Variants in NNMT observed in about 807,000 individuals in gnomAD.
The protein encoded by NNMT is nicotinamide N-methyltransferase.
NNMT carries 10 observed loss-of-function variants against 11.7 expected under a neutral mutation model. The observed-to-expected ratio is 0.85, with a 90% CI of 0.53 to 1.45. NNMT has a LOEUF of 1.45. Ranked by LOEUF, NNMT falls within the 40% of genes most tolerant of loss-of-function variation. The pLI is 0.00. For missense variants in NNMT, 381 were observed against 319.4 expected, an observed-to-expected ratio of 1.19 and a Z score of -1.47; for synonymous variants, 143 against 133.8, an observed-to-expected ratio of 1.07 and a Z score of -0.48.
At chr11:114,295,783 G>C (rs1945370856), upstream of NNMT, 1 of 152,160 alleles carries the variant, frequency 6.6e-6, no homozygotes, top group Admixed American at 6.5e-5. Context: ...TCAGGATTTG[G>C]ATTGACTGAA....
chr11:114,297,877 G>C, intron 1 of NNMT, 74 bp from the exon 2 acceptor site: 1 of 1,239,416 alleles, frequency 8.1e-7, no homozygotes, highest in Non-Finnish European at 1.2e-6. Flanking sequence ...TCCCAGGGAA[G>C]ACAATGTAAA....
intron 1 of NNMT, among the ~76,000 whole-genome samples, chr11:114,258,257 C>G (rs1332954421): frequency 6.6e-6 from 1 of 152,332 alleles, no homozygotes; most frequent in South Asian, 2.1e-4. Flanking sequence ...AGCGGGAGCT[C>G]CCCGCATGCC....
upstream of NNMT, chr11:114,296,322 G>A (rs1029068769): frequency 9.0e-5 from 43 of 476,784 alleles, no homozygotes; most frequent in Admixed American, 4.6e-4. Flanking sequence ...CTCCACCCCC[G>A]TTCGCCTAAG....
upstream of NNMT, among the ~76,000 whole-genome samples, chr11:114,291,943 T>C (rs1945338393): frequency 6.6e-6 from 1 of 152,204 alleles, no homozygotes; most frequent in South Asian, 2.1e-4. Context: ...TTATCATCAG[T>C]TCTGGAAAAT....
At chr11:114,270,186 T>C (rs1945159166) in intron 2 of NNMT, 1 of 152,260 alleles carries the variant, frequency 6.6e-6, no homozygotes, top group East Asian at 1.9e-4. Flanking sequence ...AATCAGTTTT[T>C]GTGAATATTC....
chr11:114,300,531 A>C (rs1945428482), intron 2 of NNMT, among the ~76,000 whole-genome samples: 1 of 152,212 alleles, frequency 6.6e-6, no homozygotes, highest in Non-Finnish European at 1.5e-5. Context: ...ATATCAATTA[A>C]GTCAGGCAGG....
chr11:114,285,149 C>T (rs1219965804), intron 2 of NNMT, among the ~76,000 whole-genome samples: 1 of 152,110 alleles, frequency 6.6e-6, no homozygotes, highest in African/African-American at 2.4e-5. Flanking sequence ...CCTTGGCATC[C>T]TTCTCAAAGC....
At chr11:114,271,526 G>C (rs1427056140) in intron 2 of NNMT, among the ~76,000 whole-genome samples, 7 of 152,322 alleles carry the variant, frequency 4.6e-5, no homozygotes, top group Non-Finnish European at 7.3e-5. Context: ...TGTGGCTCCA[G>C]CTCAGGTCTC....
chr11:114,284,825 A>G (rs1267132630), intron 2 of NNMT, among the ~76,000 whole-genome samples: 1 of 131,026 alleles, frequency 7.6e-6, no homozygotes, highest in Non-Finnish European at 1.5e-5. Flanking sequence ...GCTGGGGTGC[A>G]GTGGTGTAGT....
At chr11:114,261,874 C>T (rs1266578159) in intron 1 of NNMT, among the ~76,000 whole-genome samples, 1 of 152,190 alleles carries the variant, frequency 6.6e-6, no homozygotes, top group Non-Finnish European at 1.5e-5. Context: ...TGCTGTCAGT[C>T]AGCCCTAACC....
rs74496872 is a variant in NNMT, at chr11:114,282,959, A to G, written c.-129-13469A>G. On this transcript the variant is annotated intron_variant, in intron 2 of 4. Transcript: ENST00000535401. ...TCAAACTCATCAGAGAAAGTGTACA[A>G]CTTCACTTATTCTCATTAGACTAGC... 5.3e-3 allele frequency among the ~76,000 whole-genome samples: 802 copies of G among 152,360 alleles called. 3 individuals carry two copies. The highest frequency in any genetic ancestry group is 8.5e-3 in the Non-Finnish European group (576 of 68,036).
intron 2 of NNMT, among the ~76,000 whole-genome samples, chr11:114,309,792 TC>T (rs1428845432): frequency 1.3e-5 from 2 of 152,184 alleles, no homozygotes; most frequent in Non-Finnish European, 2.9e-5. Flanking sequence ...TCTCTCCAAA[TC>T]CCTCAGCTCC....
chr11:114,262,181 TA>T (rs1242178047), intron 1 of NNMT, among the ~76,000 whole-genome samples: 1 of 152,190 alleles, frequency 6.6e-6, no homozygotes, highest in Non-Finnish European at 1.5e-5. Flanking sequence ...CTGCCCTTTT[TA>T]AATTTTATTT....
chr11:114,304,421 T>A (rs1433960506), intron 2 of NNMT, among the ~76,000 whole-genome samples: 1 of 152,204 alleles, frequency 6.6e-6, no homozygotes, highest in Non-Finnish European at 1.5e-5. Context: ...CCAATCACTC[T>A]GTTGGACATT....
intron 2 of NNMT, among the ~76,000 whole-genome samples, chr11:114,286,059 C>T (rs190436987): frequency 1.3e-5 from 2 of 152,324 alleles, no homozygotes; most frequent in African/African-American, 4.8e-5. Context: ...TCTCCTCCAT[C>T]CTTGCCCCAT....
At chr11:114,277,124 G>A (rs1945219267) in intron 2 of NNMT, among the ~76,000 whole-genome samples, 4 of 152,166 alleles carry the variant, frequency 2.6e-5, no homozygotes, top group South Asian at 2.1e-4. Context: ...TCGGGAGGCT[G>A]AAGCAGGAGA....
At chr11:114,278,070 G>C (rs765365434) in intron 2 of NNMT, among the ~76,000 whole-genome samples, 1 of 152,172 alleles carries the variant, frequency 6.6e-6, no homozygotes, top group Non-Finnish European at 1.5e-5. Flanking sequence ...GAATACCTGA[G>C]ACTGGGTAAA....
intron 2 of NNMT, among the ~76,000 whole-genome samples, chr11:114,263,593 C>T (rs182400316): frequency 3.5e-4 from 54 of 152,316 alleles, no homozygotes; most frequent in African/African-American, 1.2e-3. Flanking sequence ...CACGATGGCA[C>T]CAGCTCAACC....
intron 2 of NNMT, among the ~76,000 whole-genome samples, chr11:114,266,874 C>T (rs1318042816): frequency 6.6e-6 from 1 of 152,196 alleles, no homozygotes. Flanking sequence ...CTTGGACTTC[C>T]TAGCCTCCAA....
Sources: allele counts gnomAD v4.1 joint callset (sites outside exome capture counted in the v4.1 genomes callset), GRCh38; gene constraint gnomAD v4.1.1; transcripts MANE v1.5; gene names NCBI Gene and HGNC (gene_info 2026-07-23, HGNC 2026-07-21).